The following MTURN variants were observed in gnomAD, a reference collection of about 807,000 sequenced individuals.
MTURN encodes maturin, neural progenitor differentiation regulator homolog.
Under a neutral mutation model 14.9 loss-of-function variants are expected in MTURN, and 7 were observed. That is an observed-to-expected ratio of 0.47 (90% CI 0.27 to 0.88). MTURN has a LOEUF of 0.88. Ranked by LOEUF, MTURN falls within the 40% of genes least tolerant of loss-of-function variation. The probability of loss-of-function intolerance (pLI) is 0.14; values close to 1 mark genes in which losing one functional copy is unlikely to be tolerated. For missense variants in MTURN, 151 were observed against 174.1 expected, an observed-to-expected ratio of 0.87 and a Z score of 0.75; for synonymous variants, 69 against 72.5, an observed-to-expected ratio of 0.95 and a Z score of 0.25.
chr7:30,146,421 C>T, intron 2 of MTURN, 122 bp downstream of exon 2: 1 of 1,401,192 alleles, frequency 7.1e-7, no homozygotes, highest in Non-Finnish European at 9.7e-7. Context: ...TCTTGTCTGT[C>T]CTGTGGCTTA....
Position 30,159,173 on chromosome 7 carries a change from G to A in MTURN, c.*1625G>A, listed in dbSNP as rs574963528. ...TCTTTTCTTGAAAAGTCATACTAAA[G>A]GTTAATTTCAAGTAAAATGAATTTC... On this transcript the variant is annotated 3_prime_UTR_variant, in exon 3 of 3. Transcript: ENST00000324453. 3 of 152,258 alleles carry A rather than the reference G, an allele frequency of 2.0e-5. No homozygotes were observed. The highest frequency in any genetic ancestry group is 4.1e-4 in the South Asian group (2 of 4,824). 9.4% of individuals were successfully genotyped at this position (152,258 alleles called of 1,614,324 possible). A position where few individuals can be genotyped will look rare whatever the true frequency, so the allele number is the denominator to read the frequency against.
intron 1 of MTURN, chr7:30,140,721 G>T (rs1252171510): frequency 6.6e-6 from 1 of 152,138 alleles, no homozygotes; most frequent in African/African-American, 2.4e-5. Context: ...ATATAGAGAG[G>T]TTATTTCTGG....
At chr7:30,139,683 T>G (rs1007996772) in intron 1 of MTURN, among the ~76,000 whole-genome samples, 5 of 152,086 alleles carry the variant, frequency 3.3e-5, no homozygotes, top group Admixed American at 3.3e-4. Context: ...AGCCCACAGG[T>G]GGGGTCAGGC....
rs1006518382 is a variant in MTURN at position 30,160,192 on chromosome 7, G to A, written c.*2644G>A. ...GTCAAGGAAACTTTTAGGGATTCGAGAAGAAAATACATGTGGGATCTTGCC... is the reference window on the plus strand; with the variant it reads ...GTCAAGGAAACTTTTAGGGATTCGAAAAGAAAATACATGTGGGATCTTGCC... On this transcript the variant is annotated 3_prime_UTR_variant, in exon 3 of 3. Transcript: ENST00000324453. 2.6e-5 allele frequency: 4 copies of A among 152,444 alleles called. No individual in the cohort carries two copies. Among genetic ancestry groups the A allele is most frequent in the Non-Finnish European group, 4.4e-5 (3 of 68,198 alleles). The allele number at this position is 152,444 out of a possible 1,614,324, so 9.4% of individuals were successfully genotyped here.
intron 1 of MTURN, among the ~76,000 whole-genome samples, chr7:30,140,415 G>GTGTGTGTGTGTATATATATATATA (rs33952294): frequency 2.1e-5 from 3 of 143,732 alleles, no homozygotes; most frequent in Non-Finnish European, 3.0e-5. Flanking sequence ...GTGTGTGTGT[G>GTGTGTGTGTGTATATATATATATA]TATCCCCATT....
chr7:30,154,598 A>G lies in MTURN; in HGVS notation c.286-2840A>G, dbSNP rs1332582929. Among the ~76,000 whole-genome samples the G allele has an allele frequency of 2.0e-5, 3 of 152,214 alleles. No individual in the cohort carries two copies. In the South Asian group the frequency reaches 6.2e-4, roughly 32 times the overall value. On this transcript the variant is annotated intron_variant, in intron 2 of 2. Coordinates refer to ENST00000324453, the MANE Select transcript of MTURN (RefSeq NM_152793.3). Reference sequence around the variant, plus strand: ...TAGAGCAGGTATCATGGCGCTTTACAGAGAAGGACATTGAGGGTCAGCAAG... The same window carrying G: ...TAGAGCAGGTATCATGGCGCTTTACGGAGAAGGACATTGAGGGTCAGCAAG...
chr7:30,138,819 A>G (rs1252889005), intron 1 of MTURN, among the ~76,000 whole-genome samples: 1 of 152,134 alleles, frequency 6.6e-6, no homozygotes, highest in East Asian at 1.9e-4. Context: ...TGCCACACAG[A>G]CCCTGCTGGT....
At position 30,161,414 on chromosome 7, in the gene MTURN, A is replaced by C. The variant is rs917307483; in HGVS notation, c.*3866A>C. 3 of 152,218 alleles carry C rather than the reference A, an allele frequency of 2.0e-5. No individual in the cohort carries two copies. The highest frequency in any genetic ancestry group is 4.4e-5 in the Non-Finnish European group (3 of 68,046). 9.4% of individuals were successfully genotyped at this position (152,218 alleles called of 1,614,324 possible). Reference sequence around the variant, plus strand: ...TGTGTTGGCATGGCTTTGCCACTTTAAAAGTGCCCCCCAGCCAAGGAGACC... The same window carrying C: ...TGTGTTGGCATGGCTTTGCCACTTTCAAAGTGCCCCCCAGCCAAGGAGACC... On this transcript the variant is annotated 3_prime_UTR_variant, in exon 3 of 3. Coordinates refer to ENST00000324453, the MANE Select transcript of MTURN (RefSeq NM_152793.3).
rs963131690 is a variant in MTURN, at chr7:30,162,185, A to G, written c.*4637A>G. 2.0e-5 allele frequency: 3 copies of G among 152,194 alleles called. No homozygotes were observed. Among genetic ancestry groups the G allele is most frequent in the East Asian group, 3.8e-4 (2 of 5,202 alleles). 9.4% of individuals were successfully genotyped at this position (152,194 alleles called of 1,614,324 possible). A position where few individuals can be genotyped will look rare whatever the true frequency, so the allele number is the denominator to read the frequency against. On this transcript the variant is annotated 3_prime_UTR_variant, in exon 3 of 3. Transcript: ENST00000324453. Reference sequence around the variant, plus strand: ...TTTAATTTACTTAGAGCTGTATTCAAGTTGTTTGATACCAGACAGAAAGCT... The same window carrying G: ...TTTAATTTACTTAGAGCTGTATTCAGGTTGTTTGATACCAGACAGAAAGCT...
chr7:30,145,758 C>T lies in MTURN; in HGVS notation c.163-419C>T, dbSNP rs575376995. On this transcript the variant is annotated intron_variant, in intron 1 of 2. Transcript: ENST00000324453. ...CTTGTTCCAAGTTAATGCTTACAAA[C>T]TATGCTTAATTAATCTTTCAGCCGT... 6.9e-5 allele frequency: 95 copies of T among 1,367,804 alleles called. No individual in the cohort carries two copies. The East Asian group carries it at 2.1e-3, about 30-fold the overall frequency. 84.7% of individuals were successfully genotyped at this position (1,367,804 alleles called of 1,614,324 possible).
chr7:30,135,819 A>G (rs975603635), intron 1 of MTURN, among the ~76,000 whole-genome samples: 1 of 152,048 alleles, frequency 6.6e-6, no homozygotes, highest in Non-Finnish European at 1.5e-5. Context: ...CTCCCGGGAG[A>G]ACCCCACTCC....
At chr7:30,155,597 T>C (rs1797275036) in intron 2 of MTURN, among the ~76,000 whole-genome samples, 1 of 152,222 alleles carries the variant, frequency 6.6e-6, no homozygotes, top group African/African-American at 2.4e-5. Context: ...GCGCTCTTCC[T>C]GCCCTTCCCC....
intron 1 of MTURN, among the ~76,000 whole-genome samples, chr7:30,143,804 A>G (rs1361160706): frequency 1.3e-5 from 2 of 152,240 alleles, no homozygotes; most frequent in Non-Finnish European, 2.9e-5. Context: ...AGAAACACTT[A>G]GCTAAATATA....
chr7:30,155,471 A>G (rs900361815), intron 2 of MTURN, among the ~76,000 whole-genome samples: 1 of 152,196 alleles, frequency 6.6e-6, no homozygotes, highest in African/African-American at 2.4e-5. Context: ...CTTTAGAGGC[A>G]AACTTGGTTT....
rs1403343653 is a variant in MTURN at position 30,135,579 on chromosome 7, C to T, written c.162+281C>T. 3.3e-5 allele frequency among the ~76,000 whole-genome samples: 5 copies of T among 152,240 alleles called. No homozygotes were observed. In the South Asian group the frequency reaches 1.0e-3, roughly 32 times the overall value. On this transcript the variant is annotated intron_variant, in intron 1 of 2. Transcript: ENST00000324453. ...GCGTCCCCCTAAAGGCCACTCCTCTCCCCGCTGCTGCGGGCGCCGTTTCGG... is the reference window on the plus strand; with the variant it reads ...GCGTCCCCCTAAAGGCCACTCCTCTTCCCGCTGCTGCGGGCGCCGTTTCGG...
intron 2 of MTURN, among the ~76,000 whole-genome samples, chr7:30,150,182 A>G (rs1261264227): frequency 6.6e-6 from 1 of 152,172 alleles, no homozygotes; most frequent in Non-Finnish European, 1.5e-5. Context: ...TTGGGTACTC[A>G]GTGCAGTGCG....
At position 30,161,171 on chromosome 7, in the gene MTURN, G is replaced by A. The variant is rs1370378634; in HGVS notation, c.*3623G>A. ...TTTGCATGTTAAAATTCACAAGTTG[G>A]GAAACTGGTATGAACAGATCTGATT... On this transcript the variant is annotated 3_prime_UTR_variant, in exon 3 of 3. Coordinates refer to ENST00000324453, the MANE Select transcript of MTURN (RefSeq NM_152793.3). The A allele has an allele frequency of 6.6e-6, 1 of 152,596 alleles. No individual in the cohort carries two copies. The allele number at this position is 152,596 out of a possible 1,614,324, so 9.5% of individuals were successfully genotyped here.
intron 2 of MTURN, among the ~76,000 whole-genome samples, chr7:30,148,084 A>T (rs931028064): frequency 6.6e-6 from 1 of 152,230 alleles, no homozygotes; most frequent in African/African-American, 2.4e-5. Context: ...TCGTGAAATG[A>T]TGCTAGTAAT....
chr7:30,137,268 G>A (rs952878934), intron 1 of MTURN: 10 of 198,276 alleles, frequency 5.0e-5, no homozygotes, highest in Non-Finnish European at 1.1e-4. Flanking sequence ...GGCAAGAATG[G>A]CTCATGGTTC....
Sources: allele counts gnomAD v4.1 joint callset (sites outside exome capture counted in the v4.1 genomes callset), GRCh38; gene constraint gnomAD v4.1.1; transcripts MANE v1.5; gene names NCBI Gene and HGNC (gene_info 2026-07-23, HGNC 2026-07-21).